KIF11: variants seen among roughly 807,000 people sequenced by gnomAD.
The protein encoded by KIF11 is kinesin family member 11, also known as kinesin-like protein KIF11.
KIF11 carries 9 observed loss-of-function variants against 121.0 expected under a neutral mutation model. The observed-to-expected ratio is 0.07, with a 90% CI of 0.04 to 0.13. KIF11 has a LOEUF of 0.13. Ranked by LOEUF, KIF11 falls within the 10% of genes least tolerant of loss-of-function variation. The pLI is 1.00. For synonymous variants in KIF11, 408 were observed against 421.0 expected (o/e 0.97, Z 0.38); for missense variants, 846 against 1,217.5 (o/e 0.69, Z 4.54).
At chr10:92,629,563 CA>C (rs1355495464) in intron 11 of KIF11, among the ~76,000 whole-genome samples, 6 of 152,094 alleles carry the variant, frequency 3.9e-5, no homozygotes, top group African/African-American at 1.4e-4. Flanking sequence ...CTAGGGTAGG[CA>C]AGAGGCCTGA....
rs556391504 is a variant in KIF11, at chr10:92,598,537, G to C, written c.77+5085G>C. On this transcript the variant is annotated intron_variant, in intron 1 of 21. Transcript: ENST00000260731. Reference sequence around the variant, plus strand: ...GAAATCAGGAAGTGTGAGTCCTCCAGCTTTGTTCTTTTTCAAGATTGTTTT... The same window carrying C: ...GAAATCAGGAAGTGTGAGTCCTCCACCTTTGTTCTTTTTCAAGATTGTTTT... Among the ~76,000 whole-genome samples, 40 of 152,274 alleles carry C rather than the reference G, an allele frequency of 2.6e-4. 1 individual carries two copies. In the East Asian group the frequency reaches 6.6e-3, roughly 25 times the overall value.
intron 9 of KIF11, among the ~76,000 whole-genome samples, chr10:92,617,988 T>A (rs982314434): frequency 2.6e-5 from 4 of 152,156 alleles, no homozygotes; most frequent in African/African-American, 9.6e-5. Flanking sequence ...TCTGCCCGCC[T>A]CAGCCTCCCA....
At position 92,613,266 on chromosome 10, in the gene KIF11, A is replaced by C; in HGVS notation, c.790-111A>C. 9.1e-7 allele frequency: 1 copy of C among 1,097,910 alleles called. No homozygotes were observed. The highest frequency in any genetic ancestry group is 1.3e-6 in the Non-Finnish European group (1 of 774,932). 68.0% of individuals were successfully genotyped at this position (1,097,910 alleles called of 1,614,324 possible). Reference sequence around the variant, plus strand: ...GTGGGAGAAGAAATTTGTTAATTACAGAAAAAATTATTTTGCTGGCGATTT... The same window carrying C: ...GTGGGAGAAGAAATTTGTTAATTACCGAAAAAATTATTTTGCTGGCGATTT... On this transcript the variant is annotated intron_variant, in intron 7 of 21. Transcript: ENST00000260731. The surrounding 1 kb of genome is among the most constrained non-coding windows in gnomAD (Gnocchi z 4.2).
chr10:92,613,711 C>T lies in KIF11; in HGVS notation c.1032+92C>T. ...AAAAGTTCATTTACTAGGATGGACA[C>T]AGTGACTCACACCTGTAAACCCAGC... On this transcript the variant is annotated intron_variant, in intron 8 of 21. Coordinates refer to ENST00000260731, the MANE Select transcript of KIF11 (RefSeq NM_004523.4). The surrounding 1 kb of genome is among the most constrained non-coding windows in gnomAD (Gnocchi z 4.2). The T allele has an allele frequency of 8.2e-7, 1 of 1,219,104 alleles. No individual in the cohort carries two copies. Among genetic ancestry groups the T allele is most frequent in the Non-Finnish European group, 1.1e-6 (1 of 879,636 alleles). 75.5% of individuals were successfully genotyped at this position (1,219,104 alleles called of 1,614,324 possible).
intron 11 of KIF11, among the ~76,000 whole-genome samples, chr10:92,629,876 C>A (rs1433493327): frequency 6.6e-6 from 1 of 152,172 alleles, no homozygotes; most frequent in Non-Finnish European, 1.5e-5. Context: ...CTTGGCCTCC[C>A]AGAGTGCTGG....
At chr10:92,627,298 A>G (rs974910516) in intron 10 of KIF11, among the ~76,000 whole-genome samples, 3 of 152,208 alleles carry the variant, frequency 2.0e-5, no homozygotes, top group African/African-American at 7.2e-5. Flanking sequence ...CATTTCTGAA[A>G]CTGACTAATA....
chr10:92,648,296 A>G lies in KIF11; in HGVS notation c.2632A>G (p.Asn878Asp), dbSNP rs767335687. 1.2e-6 allele frequency: 2 copies of G among 1,613,224 alleles called. No individual in the cohort carries two copies. The highest frequency in any genetic ancestry group is 1.7e-5 in the Admixed American group (1 of 60,026). Residue 878 changes from asparagine to aspartate, a missense_variant, in exon 19 of 22, where the codon AAC (asparagine) becomes GAC (aspartate). This residue lies in a region of KIF11 where 492 missense variants were observed against 603.4 expected (regional missense o/e 0.82). Transcript: ENST00000260731. ...GRKAAHEKQH[N>D]IFLDQMTIDE... ...TAAGGCAGCTCATGAGAAACAGCATAACATTTTTCTTGATCAGATGACTAT... is the reference window on the plus strand; with the variant it reads ...TAAGGCAGCTCATGAGAAACAGCATGACATTTTTCTTGATCAGATGACTAT...
chr10:92,655,060 A>T lies in KIF11; in HGVS notation c.*1264A>T, dbSNP rs1184564415. The stretch of plus-strand genomic sequence containing the variant: ...AAATCTTAACCCTTAGGACTCTGGT[A>T]TTTTTGATCTGGCAACCATATTTCT... On this transcript the variant is annotated 3_prime_UTR_variant, in exon 22 of 22. Transcript: ENST00000260731. 1 of 152,638 alleles carries T rather than the reference A, an allele frequency of 6.6e-6. No homozygotes were observed. Among genetic ancestry groups the T allele is most frequent in the African/African-American group, 2.4e-5 (1 of 41,454 alleles). The allele number at this position is 152,638 out of a possible 1,614,324, so 9.5% of individuals were successfully genotyped here.
chr10:92,621,628 G>T (rs751150153), intron 10 of KIF11, among the ~76,000 whole-genome samples, 155 bp downstream of exon 10: 1 of 152,024 alleles, frequency 6.6e-6, no homozygotes, highest in Non-Finnish European at 1.5e-5. Context: ...TTGAGACAAG[G>T]TCTCGCACTG....
At chr10:92,593,508 A>G in intron 1 of KIF11, 56 bp downstream of exon 1, 3 of 1,491,958 alleles carry the variant, frequency 2.0e-6, no homozygotes, top group African/African-American at 1.4e-5. Context: ...TGGGCCCCCT[A>G]CTGCGCGGTC....
intron 1 of KIF11, 45 bp downstream of exon 1, chr10:92,593,497 C>T (rs1254383310): frequency 2.6e-6 from 4 of 1,548,364 alleles, no homozygotes; most frequent in Non-Finnish European, 3.5e-6. Context: ...GGCTTCGCTG[C>T]TGGGCCCCCT....
chr10:92,633,230 T>A (rs1219602582), intron 13 of KIF11, among the ~76,000 whole-genome samples: 1 of 152,120 alleles, frequency 6.6e-6, no homozygotes, highest in East Asian at 1.9e-4. Flanking sequence ...TATAAAAATT[T>A]AAAAAATCAT....
chr10:92,644,166 T>A (rs1270364732), intron 17 of KIF11, among the ~76,000 whole-genome samples: 1 of 152,200 alleles, frequency 6.6e-6, no homozygotes, highest in Admixed American at 6.5e-5. Context: ...CACCAGAGTT[T>A]CCCAGTATGG....
At chr10:92,637,342 T>A (rs758269273) in intron 15 of KIF11, 33 bp downstream of exon 15, 3 of 1,580,886 alleles carry the variant, frequency 1.9e-6, no homozygotes, top group Non-Finnish European at 2.6e-6. Flanking sequence ...TATCTCAAAA[T>A]TGATGTGTTG....
At chr10:92,646,783 T>C (rs1844925321) in intron 18 of KIF11, among the ~76,000 whole-genome samples, 1 of 152,182 alleles carries the variant, frequency 6.6e-6, no homozygotes, top group Non-Finnish European at 1.5e-5. Context: ...AAGCAACACA[T>C]TGTCCTGAAA....
At position 92,632,466 on chromosome 10, in the gene KIF11, A is replaced by C; in HGVS notation, c.1495-20A>C. 1 of 1,481,984 alleles carries C rather than the reference A, an allele frequency of 6.7e-7. No individual in the cohort carries two copies. The allele number at this position is 1,481,984 out of a possible 1,614,324, so 91.8% of individuals were successfully genotyped here. ...TTTCACCGTATCCATTTTGTCTAAC[A>C]CTTATTTTTAAAAATATAGCTGCTT... is the stretch of plus-strand genomic sequence containing the variant. On this transcript the variant is annotated intron_variant, in intron 12 of 21. Coordinates refer to ENST00000260731, the MANE Select transcript of KIF11 (RefSeq NM_004523.4).
chr10:92,607,242 T>G lies in KIF11; in HGVS notation c.387+5T>G. 5 of 1,534,312 alleles carry G rather than the reference T, an allele frequency of 3.3e-6. No homozygotes were observed. The highest frequency in any genetic ancestry group is 4.5e-6 in the Non-Finnish European group (5 of 1,109,424). The stretch of plus-strand genomic sequence containing the variant: ...GAAGAGTATACCTGGGAAGAGGTAT[T>G]TATTGTTTATAACATACTTTTATCT... On this transcript the variant is annotated splice_donor_5th_base_variant and intron_variant, in intron 4 of 21. Transcript: ENST00000260731.
chr10:92,607,759 A>G (rs1288784391), intron 4 of KIF11, among the ~76,000 whole-genome samples: 1 of 152,216 alleles, frequency 6.6e-6, no homozygotes, highest in Admixed American at 6.5e-5. Flanking sequence ...AGAAAGTTGA[A>G]AGAAGACCAA....
rs566790700 is a variant in KIF11 at position 92,655,019 on chromosome 10, A to G, written c.*1223A>G. 25 of 152,796 alleles carry G rather than the reference A, an allele frequency of 1.6e-4. No homozygotes were observed. Among genetic ancestry groups the G allele is most frequent in the African/African-American group, 6.0e-4 (25 of 41,588 alleles). 9.5% of individuals were successfully genotyped at this position (152,796 alleles called of 1,614,324 possible). On this transcript the variant is annotated 3_prime_UTR_variant, in exon 22 of 22. Transcript: ENST00000260731. ...TGTATATAATACAATGTGTACATGTATCTTTTTCTCGATTCAAATCTTAAC... is the reference window on the plus strand; with the variant it reads ...TGTATATAATACAATGTGTACATGTGTCTTTTTCTCGATTCAAATCTTAAC...
Sources: gnomAD v4.1 joint callset for allele counts (sites outside exome capture counted in the v4.1 genomes callset) on GRCh38, gnomAD v4.1.1 for gene constraint, gnomAD v4.1.1 regional missense constraint, Gnocchi (gnomAD v3.1) non-coding constraint, MANE v1.5 for transcripts, NCBI Gene and HGNC (gene_info 2026-07-23, HGNC 2026-07-21) for gene names.